Variants in UAP1 observed in about 807,000 individuals in gnomAD.
UAP1 encodes UDP-N-acetylhexosamine pyrophosphorylase.
A neutral mutation model predicts 58.5 loss-of-function variants in UAP1; 25 were observed. That is an observed-to-expected ratio of 0.43 (90% CI 0.31 to 0.60). The LOEUF (loss-of-function observed/expected upper bound fraction) is 0.60, where lower values mean the gene tolerates loss of function less well. Among genes scored for constraint, UAP1 ranks in the 20% least tolerant of loss-of-function variants. The pLI, the probability that UAP1 is intolerant of heterozygous loss-of-function variation, is 0.11. For missense variants in UAP1, 575 were observed against 630.0 expected, an observed-to-expected ratio of 0.91 and a Z score of 0.93; for synonymous variants, 208 against 213.0, an observed-to-expected ratio of 0.98 and a Z score of 0.21.
chr1:162,581,440 G>A (rs572677350), exon 5 of UAP1: 2 of 1,613,980 alleles, frequency 1.2e-6, no homozygotes, highest in South Asian at 2.2e-5. Flanking sequence ...ATTCAGAAAG[G>A]AGCAGACTGT....
At chr1:162,584,237 T>C (rs2101801168) in intron 5 of UAP1, among the ~76,000 whole-genome samples, 1 of 152,334 alleles carries the variant, frequency 6.6e-6, no homozygotes, top group African/African-American at 2.4e-5. Flanking sequence ...TGTTTAGTCC[T>C]GTGTCTGGCA....
At chr1:162,562,718 G>C (rs570386095) in intron 1 of UAP1, among the ~76,000 whole-genome samples, 6 of 152,188 alleles carry the variant, frequency 3.9e-5, no homozygotes, top group Non-Finnish European at 5.9e-5. Flanking sequence ...TTCACGGTTA[G>C]TCAGTTGGCT....
chr1:162,590,208 T>C (rs1044852932), intron 7 of UAP1, 115 bp from the exon 8 acceptor site: 3 of 773,746 alleles, frequency 3.9e-6, no homozygotes, highest in Non-Finnish European at 3.9e-6. Context: ...TTATTCATCA[T>C]TCAGATTGGA....
chr1:162,586,042 C>G (rs1007936894), intron 5 of UAP1, among the ~76,000 whole-genome samples: 1 of 152,184 alleles, frequency 6.6e-6, no homozygotes, highest in Non-Finnish European at 1.5e-5. Context: ...ACACAACAGG[C>G]TTACTTATCC....
intron 9 of UAP1, chr1:162,593,183 G>C (rs1291675582): frequency 1.1e-5 from 2 of 182,874 alleles, no homozygotes; most frequent in African/African-American, 4.7e-5. Flanking sequence ...CAGTATACAG[G>C]CTGATTGTTC....
intron 8 of UAP1, among the ~76,000 whole-genome samples, chr1:162,591,952 A>G (rs1225729216): frequency 6.6e-6 from 1 of 152,104 alleles, no homozygotes; most frequent in African/African-American, 2.4e-5. Flanking sequence ...GCTCAGCCTA[A>G]ATCTTGTATT....
Position 162,583,022 on chromosome 1 carries a change from G to A in UAP1, c.834+1563G>A, listed in dbSNP as rs541632029. ...AGCCACAGACTCACTATGTCATCTA[G>A]GCTGGTGTGCAGTGGCAGGATCTCG... On this transcript the variant is annotated intron_variant, in intron 5 of 10. Transcript: ENST00000271469. Among the ~76,000 whole-genome samples the A allele has an allele frequency of 1.0e-3, 152 of 151,844 alleles. 3 individuals carry two copies. In the South Asian group the frequency reaches 0.03, roughly 30 times the overall value.
intron 6 of UAP1, 138 bp downstream of exon 6, chr1:162,587,806 T>C: frequency 1.2e-6 from 1 of 830,080 alleles, no homozygotes; most frequent in Non-Finnish European, 1.9e-6. Context: ...AAATGGACAT[T>C]TATCTCATGT....
chr1:162,583,286 G>A lies in UAP1; in HGVS notation c.834+1827G>A, dbSNP rs539032880. Among the ~76,000 whole-genome samples, 12 of 150,940 alleles carry A rather than the reference G, an allele frequency of 8.0e-5. No homozygotes were observed. In the East Asian group the frequency reaches 2.4e-3, roughly 30 times the overall value. ...TCCTGCCTCAGCCTCCTGAGTAGCT[G>A]GGATTATAGGCACCCACCACCAGGC... On this transcript the variant is annotated intron_variant, in intron 5 of 10. Transcript: ENST00000271469.
At chr1:162,566,208 T>A (rs1278277561) in exon 2 of UAP1, 1 of 1,614,026 alleles carries the variant, frequency 6.2e-7, no homozygotes, top group African/African-American at 1.3e-5. Context: ...GAGCTGAACT[T>A]CTTTTTCCAA....
chr1:162,589,189 ATATT>A (rs1480313906), intron 7 of UAP1, among the ~76,000 whole-genome samples: 1 of 68,224 alleles, frequency 1.5e-5, no homozygotes, highest in East Asian at 3.9e-4. Flanking sequence ...TATATAATAT[ATATT>A]ATATATTATA....
intron 2 of UAP1, 52 bp downstream of exon 2, chr1:162,566,400 A>C: frequency 6.5e-7 from 1 of 1,544,470 alleles, no homozygotes; most frequent in South Asian, 1.2e-5. Flanking sequence ...ATATACTAAA[A>C]TTGTTCAGGT....
intron 6 of UAP1, among the ~76,000 whole-genome samples, chr1:162,588,491 T>G (rs1655055248): frequency 6.6e-6 from 1 of 152,142 alleles, no homozygotes; most frequent in South Asian, 2.1e-4. Flanking sequence ...GTGGAGACTG[T>G]TATTTGATTT....
chr1:162,564,309 C>A (rs1653358525), intron 1 of UAP1, among the ~76,000 whole-genome samples: 1 of 152,100 alleles, frequency 6.6e-6, no homozygotes, highest in African/African-American at 2.4e-5. Context: ...TATTATTAAT[C>A]TCATTTTACA....
intron 9 of UAP1, among the ~76,000 whole-genome samples, chr1:162,596,278 C>T (rs1269381706): frequency 1.3e-5 from 2 of 151,826 alleles, no homozygotes; most frequent in African/African-American, 4.8e-5. Context: ...TGGGTTCTAG[C>T]GATTCTCCTG....
At chr1:162,573,344 C>T (rs966780377) in intron 2 of UAP1, among the ~76,000 whole-genome samples, 2 of 151,958 alleles carry the variant, frequency 1.3e-5, no homozygotes, top group Non-Finnish European at 2.9e-5. Flanking sequence ...AGGTCCTAAT[C>T]CTGATTCACA....
chr1:162,595,627 T>A (rs1655575843), intron 9 of UAP1, among the ~76,000 whole-genome samples: 1 of 152,218 alleles, frequency 6.6e-6, no homozygotes, highest in Admixed American at 6.5e-5. Context: ...GTAGGCCTGC[T>A]CATAGGTTTA....
intron 2 of UAP1, among the ~76,000 whole-genome samples, chr1:162,575,799 C>G (rs1254917216): frequency 6.6e-6 from 1 of 151,440 alleles, no homozygotes; most frequent in Non-Finnish European, 1.5e-5. Context: ...CTTCTGGGTT[C>G]AAGCAATTCT....
chr1:162,571,034 T>G (rs1304350469), intron 2 of UAP1, among the ~76,000 whole-genome samples: 1 of 152,002 alleles, frequency 6.6e-6, no homozygotes, highest in African/African-American at 2.4e-5. Flanking sequence ...GGGCCCACAA[T>G]GCATGACTCT....
Sources: allele counts gnomAD v4.1 joint callset (sites outside exome capture counted in the v4.1 genomes callset), GRCh38; gene constraint gnomAD v4.1.1; transcripts MANE v1.5; gene names NCBI Gene and HGNC (gene_info 2026-07-23, HGNC 2026-07-21).